Variants in PKIB observed in about 807,000 individuals in gnomAD.
The protein encoded by PKIB is PKI-beta.
PKIB carries 2 observed loss-of-function variants against 4.5 expected under a neutral mutation model. The observed-to-expected ratio is 0.44, with a 90% CI of 0.18 to 1.39. The LOEUF is 1.39. PKIB is among the 40% of genes most tolerant of loss of function. PKIB has a pLI of 0.27. For synonymous variants in PKIB, 38 were observed against 36.0 expected (o/e 1.06, Z -0.20); for missense variants, 94 against 92.6 (o/e 1.02, Z -0.06).
At position 122,561,994 on chromosome 6, in the gene PKIB, G is replaced by GTTTTTTTTTTTTTTTTTTTT; in HGVS notation, c.-247-23918_-247-23917insTTTTTTTTTTTTTTTTTTTT. Among the ~76,000 whole-genome samples, 320 of 40,882 alleles carry GTTTTTTTTTTTTTTTTTTTT rather than the reference G, an allele frequency of 7.8e-3. 34 individuals are homozygous for GTTTTTTTTTTTTTTTTTTTT. Among genetic ancestry groups the GTTTTTTTTTTTTTTTTTTTT allele is most frequent in the Middle Eastern group, 0.017 (1 of 60 alleles). The allele number at this position is 40,882 out of a possible 152,430, so 26.8% of individuals were successfully genotyped here. A position where few individuals can be genotyped will look rare whatever the true frequency, so the allele number is the denominator to read the frequency against. The stretch of plus-strand genomic sequence containing the variant: ...GCATAGTTTTTTTTTGTTTGTTTTT[G>GTTTTTTTTTTTTTTTTTTTT]TTTTTTTTTGTTTTTTTTTTTTTTT... On this transcript the variant is annotated intron_variant, in intron 2 of 6. Coordinates refer to the PKIB transcript ENST00000392491.
upstream of PKIB, among the ~76,000 whole-genome samples, chr6:122,606,532 A>G (rs1489943066): frequency 2.7e-5 from 4 of 150,320 alleles, no homozygotes; most frequent in East Asian, 2.0e-4. Context: ...AGATCGCGCC[A>G]TTGCACTCCA....
chr6:122,566,160 T>A (rs796729230), intron 2 of PKIB, among the ~76,000 whole-genome samples: 3 of 152,084 alleles, frequency 2.0e-5, no homozygotes, highest in African/African-American at 7.2e-5. Flanking sequence ...CAGGCTTGGG[T>A]CACCCTTGAA....
At chr6:122,650,831 G>A (rs1562285274) in intron 2 of PKIB, among the ~76,000 whole-genome samples, 2 of 152,086 alleles carry the variant, frequency 1.3e-5, no homozygotes, top group Admixed American at 6.5e-5. Flanking sequence ...CTACTATTTC[G>A]ATCTCCCTCT....
In PKIB at chr6:122,619,422, C is replaced by A. The variant is rs560450444; in HGVS notation, c.-161+8887C>A. Among the ~76,000 whole-genome samples the A allele has an allele frequency of 1.8e-4, 28 of 151,978 alleles. No homozygotes were observed. The South Asian group carries it at 5.8e-3, about 32-fold the overall frequency. ...TATTTTATTATTATTTAATGGCTAG[C>A]CTTTTTTTTTTATAGCTATTTGTCC... is the stretch of plus-strand genomic sequence containing the variant. On this transcript the variant is annotated intron_variant, in intron 1 of 4. Transcript: ENST00000368452.
chr6:122,651,872 T>C (rs1206684395), intron 2 of PKIB, among the ~76,000 whole-genome samples: 2 of 152,206 alleles, frequency 1.3e-5, no homozygotes, highest in Non-Finnish European at 2.9e-5. Flanking sequence ...AATTTCATCA[T>C]ACTCTTTAGT....
chr6:122,718,298 A>G (rs909794050), intron 4 of PKIB, among the ~76,000 whole-genome samples: 4 of 152,206 alleles, frequency 2.6e-5, no homozygotes, highest in Non-Finnish European at 5.9e-5. Flanking sequence ...AAGTATTCAT[A>G]AATAAAATAA....
chr6:122,717,817 T>C lies in PKIB; in HGVS notation c.23T>C (p.Met8Thr), dbSNP rs954992568. ...GCTATGAGGACAGATTCATCAAAAA[T>C]GACTGACGTGGAGTCTGGGGTCGCC... MRTDSSK[M>T]TDVESGVANF... Residue 8 changes from methionine to threonine, a missense_variant, in exon 4 of 5, where the codon ATG becomes ACG. Physicochemically the swap from Met to Thr is moderately conservative, Grantham distance 81. Coordinates refer to ENST00000368452, the MANE Select transcript of PKIB (RefSeq NM_181795.3). 2 of 1,614,006 alleles carry C rather than the reference T, an allele frequency of 1.2e-6. No individual in the cohort carries two copies. The highest frequency in any genetic ancestry group is 1.7e-6 in the Non-Finnish European group (2 of 1,179,994).
intron 2 of PKIB, among the ~76,000 whole-genome samples, chr6:122,633,855 G>A (rs1219368180): frequency 6.6e-6 from 1 of 151,994 alleles, no homozygotes; most frequent in African/African-American, 2.4e-5. Flanking sequence ...GACACTAATA[G>A]GTGAACATAA....
intron 2 of PKIB, among the ~76,000 whole-genome samples, chr6:122,659,127 C>T (rs1255786495): frequency 6.6e-6 from 1 of 152,106 alleles, no homozygotes; most frequent in African/African-American, 2.4e-5. Flanking sequence ...TGCTTCTAAA[C>T]ACTTTAAAAT....
intron 3 of PKIB, among the ~76,000 whole-genome samples, chr6:122,594,063 AAC>A (rs1357904488): frequency 6.6e-6 from 1 of 152,214 alleles, no homozygotes; most frequent in Non-Finnish European, 1.5e-5. Context: ...AATTATGCCT[AAC>A]ATAATACAAC....
chr6:122,530,597 G>A (rs555710390), intron 2 of PKIB, among the ~76,000 whole-genome samples: 1 of 152,066 alleles, frequency 6.6e-6, no homozygotes, highest in African/African-American at 2.4e-5. Flanking sequence ...TTGCCTATGA[G>A]CCTAGCTAGA....
intron 3 of PKIB, among the ~76,000 whole-genome samples, chr6:122,711,257 A>C (rs752215630): frequency 1.3e-5 from 2 of 152,050 alleles, no homozygotes; most frequent in African/African-American, 2.4e-5. Flanking sequence ...TTTCTTTTTT[A>C]TTTTTATCCC....
intron 1 of PKIB, among the ~76,000 whole-genome samples, chr6:122,622,823 T>C (rs1169882526): frequency 6.7e-6 from 1 of 149,362 alleles, no homozygotes; most frequent in East Asian, 1.9e-4. Flanking sequence ...TAACTTATGT[T>C]CTCTGAACGT....
chr6:122,530,482 T>G lies in PKIB; in HGVS notation c.-248+52543T>G, dbSNP rs567515967. On this transcript the variant is annotated intron_variant, in intron 2 of 6. Coordinates refer to the PKIB transcript ENST00000392491. Reference sequence around the variant, plus strand: ...TGTTCCTTTGATTGTGCCATGTTTTTTCTTTGTATGCCTTGTAATTTGTTT... The same window carrying G: ...TGTTCCTTTGATTGTGCCATGTTTTGTCTTTGTATGCCTTGTAATTTGTTT... 3.9e-5 allele frequency among the ~76,000 whole-genome samples: 6 copies of G among 152,326 alleles called. No individual in the cohort carries two copies. The East Asian group carries it at 1.2e-3, about 29-fold the overall frequency.
In PKIB at chr6:122,501,110, A is replaced by G. The variant is rs550715977; in HGVS notation, c.-248+23171A>G. On this transcript the variant is annotated intron_variant, in intron 2 of 6. Coordinates refer to the PKIB transcript ENST00000392491. ...CTGCCCCCAGCTTCTCCCACATCTCATGTCCTTCTCACATTCCAGAACACA... is the reference window on the plus strand; with the variant it reads ...CTGCCCCCAGCTTCTCCCACATCTCGTGTCCTTCTCACATTCCAGAACACA... 6.6e-5 allele frequency among the ~76,000 whole-genome samples: 10 copies of G among 152,274 alleles called. No individual in the cohort carries two copies. In the South Asian group the frequency reaches 1.9e-3, roughly 28 times the overall value.
chr6:122,613,157 G>A (rs937062589), intron 1 of PKIB, among the ~76,000 whole-genome samples: 1 of 152,096 alleles, frequency 6.6e-6, no homozygotes, highest in African/African-American at 2.4e-5. Context: ...AAATGAGAAA[G>A]CATGCAGTTT....
intron 2 of PKIB, among the ~76,000 whole-genome samples, chr6:122,563,280 C>T (rs762762384): frequency 6.6e-6 from 1 of 152,140 alleles, no homozygotes; most frequent in Non-Finnish European, 1.5e-5. Flanking sequence ...TGGGCTAGTA[C>T]TGGGGGTTGT....
At chr6:122,553,984 T>A (rs1772765443) in intron 2 of PKIB, among the ~76,000 whole-genome samples, 1 of 152,194 alleles carries the variant, frequency 6.6e-6, no homozygotes, top group East Asian at 1.9e-4. Flanking sequence ...GAAAAATTAA[T>A]CATCAGTATA....
At chr6:122,696,653 A>G (rs1778584966) in intron 3 of PKIB, among the ~76,000 whole-genome samples, 1 of 152,180 alleles carries the variant, frequency 6.6e-6, no homozygotes, top group African/African-American at 2.4e-5. Flanking sequence ...GACCTCATGG[A>G]GGGCATAGAA....
Sources: gnomAD v4.1 joint callset for allele counts (sites outside exome capture counted in the v4.1 genomes callset) on GRCh38, gnomAD v4.1.1 for gene constraint, MANE v1.5 for transcripts, NCBI Gene and HGNC (gene_info 2026-07-23, HGNC 2026-07-21) for gene names.